The following RFTN1 variants were observed in gnomAD, a reference collection of about 807,000 sequenced individuals.
The protein encoded by RFTN1 is raftlin, lipid raft linker 1, also known as raftlin.
Under a neutral mutation model 46.5 loss-of-function variants are expected in RFTN1, and 26 were observed. The observed-to-expected ratio is 0.56, with a 90% CI of 0.41 to 0.78. RFTN1 has a LOEUF of 0.78. Among genes scored for constraint, RFTN1 ranks in the 30% least tolerant of loss-of-function variants. The probability of loss-of-function intolerance (pLI) is 0.00; values close to 1 mark genes in which losing one functional copy is unlikely to be tolerated. For missense variants in RFTN1, 693 were observed against 718.7 expected, an observed-to-expected ratio of 0.96 and a Z score of 0.41; for synonymous variants, 261 against 284.2, an observed-to-expected ratio of 0.92 and a Z score of 0.82.
rs1559328866 is a variant in RFTN1 at position 16,404,306 on chromosome 3, ATATATAT to A, written c.441+5062_441+5068del. On this transcript the variant is annotated intron_variant, in intron 4 of 9. Coordinates refer to ENST00000334133, the MANE Select transcript of RFTN1 (RefSeq NM_015150.2). The stretch of plus-strand genomic sequence containing the variant: ...TAATATATAATATATATAATATGTA[ATATATAT>A]TATATATAATATATAATATATAATA... 6.0e-5 allele frequency among the ~76,000 whole-genome samples: 2 copies of A among 33,278 alleles called. 1 individual carries two copies. Among genetic ancestry groups the A allele is most frequent in the Non-Finnish European group, 9.2e-5 (2 of 21,622 alleles). The allele number at this position is 33,278 out of a possible 152,430, so 21.8% of individuals were successfully genotyped here.
rs762772839 is a variant in RFTN1 at position 16,323,431 on chromosome 3, A to G, written c.1277T>C (p.Ile426Thr). Residue 426 changes from isoleucine to threonine, a missense_variant, in exon 9 of 10, where the codon ATT becomes ACT. Coordinates refer to ENST00000334133, the MANE Select transcript of RFTN1 (RefSeq NM_015150.2). Reference protein sequence around the residue: ...TSEGSVSTKQIVFLQRPCLPQ... With the variant: ...TSEGSVSTKQTVFLQRPCLPQ... The stretch of plus-strand genomic sequence containing the variant: ...TAGACAAGGTCTCTGAAGAAAGACA[A>G]TCTGCTTGGTGGATACACTCCCCTC... The G allele has an allele frequency of 4.2e-5, 68 of 1,612,594 alleles. No homozygotes were observed. Among genetic ancestry groups the G allele is most frequent in the South Asian group, 5.5e-5 (5 of 91,058 alleles).
At chr3:16,496,761 G>A (rs117346195) in intron 1 of RFTN1, among the ~76,000 whole-genome samples, 9 of 152,190 alleles carry the variant, frequency 5.9e-5, no homozygotes, top group East Asian at 5.8e-4. Flanking sequence ...TATGGGCATC[G>A]AAAGACACGT....
chr3:16,397,075 A>C (rs1435925340), intron 4 of RFTN1, among the ~76,000 whole-genome samples: 1 of 151,724 alleles, frequency 6.6e-6, no homozygotes, highest in Admixed American at 6.6e-5. Flanking sequence ...AAATGAAAAA[A>C]AAAAAAAAAA....
At chr3:16,419,282 C>T (rs573090924) in intron 3 of RFTN1, among the ~76,000 whole-genome samples, 1 of 152,122 alleles carries the variant, frequency 6.6e-6, no homozygotes, top group African/African-American at 2.4e-5. Flanking sequence ...TAGTGGGAAA[C>T]AAAGTTACTG....
intron 7 of RFTN1, chr3:16,339,923 A>G (rs911962264): frequency 6.6e-6 from 1 of 152,258 alleles, no homozygotes; most frequent in African/African-American, 2.4e-5. Context: ...AGTCTTATCA[A>G]AATTGCTGTA....
Position 16,450,632 on chromosome 3 carries a change from C to T in RFTN1, c.146-16595G>A, listed in dbSNP as rs2075808187. ...CTCCTGTCTCTAACTGCTCCTGAGG[C>T]AGGACAGGCACCCCAAACCAGGATT... is the stretch of plus-strand genomic sequence containing the variant. On this transcript the variant is annotated intron_variant, in intron 2 of 9. Transcript: ENST00000334133. The surrounding 1 kb of genome is among the most constrained non-coding windows in gnomAD (Gnocchi z 4.6). Among the ~76,000 whole-genome samples the T allele has an allele frequency of 6.6e-6, 1 of 152,218 alleles. No homozygotes were observed. The highest frequency in any genetic ancestry group is 1.5e-5 in the Non-Finnish European group (1 of 68,040).
intron 2 of RFTN1, 42 bp from the exon 3 acceptor site, chr3:16,434,079 A>G (rs2125496039): frequency 6.7e-7 from 1 of 1,495,966 alleles, no homozygotes; most frequent in Non-Finnish European, 8.9e-7. Context: ...ACCCATCACA[A>G]CGCCCACTCA....
intron 2 of RFTN1, among the ~76,000 whole-genome samples, chr3:16,444,745 G>T (rs1277676097): frequency 6.6e-6 from 1 of 152,228 alleles, no homozygotes; most frequent in Non-Finnish European, 1.5e-5. Context: ...ATTTGTTATT[G>T]GTTTTGAACT....
chr3:16,344,339 T>C lies in RFTN1; in HGVS notation c.1146+13593A>G, dbSNP rs2071501352. 1.3e-5 allele frequency among the ~76,000 whole-genome samples: 2 copies of C among 152,008 alleles called. No homozygotes were observed. The highest frequency in any genetic ancestry group is 2.4e-5 in the African/African-American group (1 of 41,366). ...ATCAGTAATTTTCAAGGTTTTTTTTTTTTAATTAGTAGGATGCTTCCTATA... is the reference window on the plus strand; with the variant it reads ...ATCAGTAATTTTCAAGGTTTTTTTTCTTTAATTAGTAGGATGCTTCCTATA... On this transcript the variant is annotated intron_variant, in intron 7 of 9. Coordinates refer to ENST00000334133, the MANE Select transcript of RFTN1 (RefSeq NM_015150.2). The surrounding 1 kb of genome is among the most constrained non-coding windows in gnomAD (Gnocchi z 4.4).
rs142197217 is a variant in RFTN1 at position 16,323,457 on chromosome 3, G to T, written c.1251C>A (p.Ser417Arg). Residue 417 changes from serine (S) to arginine (R), a missense_variant and splice_region_variant, in exon 9 of 10, where the codon AGC (serine) becomes AGA (arginine). By Grantham distance (110) the Ser-to-Arg change is moderately radical. Coordinates refer to ENST00000334133, the MANE Select transcript of RFTN1 (RefSeq NM_015150.2). ...VLPTPVVKTT[S>R]EGSVSTKQIV... The stretch of plus-strand genomic sequence containing the variant: ...TCTGCTTGGTGGATACACTCCCCTC[G>T]CTGTAACACACGGAGCTGAGAATGA... 1 of 1,609,358 alleles carries T rather than the reference G, an allele frequency of 6.2e-7. No homozygotes were observed. The highest frequency in any genetic ancestry group is 8.5e-7 in the Non-Finnish European group (1 of 1,176,110).
intron 1 of RFTN1, among the ~76,000 whole-genome samples, chr3:16,505,445 G>A (rs2125010751): frequency 6.6e-6 from 1 of 152,296 alleles, no homozygotes; most frequent in East Asian, 1.9e-4. Context: ...AGATGTGTGT[G>A]TGTGTGTACC....
At chr3:16,476,799 T>A (rs1171546427) in intron 2 of RFTN1, among the ~76,000 whole-genome samples, 1 of 152,242 alleles carries the variant, frequency 6.6e-6, no homozygotes, top group Non-Finnish European at 1.5e-5. Flanking sequence ...AGATATAGCT[T>A]AGTGGTTGAG....
rs1575242265 is a variant in RFTN1, at chr3:16,407,539, T to C, written c.441+1836A>G. Among the ~76,000 whole-genome samples, 1 of 152,130 alleles carries C rather than the reference T, an allele frequency of 6.6e-6. No homozygotes were observed. Among genetic ancestry groups the C allele is most frequent in the African/African-American group, 2.4e-5 (1 of 41,422 alleles). The stretch of plus-strand genomic sequence containing the variant: ...GCATATTTGAGAGTGGGCAGAGCCT[T>C]ATGCCTTTCTTTTACTCACTTACCC... On this transcript the variant is annotated intron_variant, in intron 4 of 9. Transcript: ENST00000334133. The surrounding 1 kb of genome is among the most constrained non-coding windows in gnomAD (Gnocchi z 4.0).
chr3:16,410,193 C>A lies in RFTN1; in HGVS notation c.333-710G>T, dbSNP rs2074954458. Among the ~76,000 whole-genome samples the A allele has an allele frequency of 6.8e-6, 1 of 147,846 alleles. No homozygotes were observed. The highest frequency in any genetic ancestry group is 1.5e-5 in the Non-Finnish European group (1 of 67,256). ...TCATTATAGAATGATGGGTTTGGTA[C>A]AATACAGCTTACATGTTATACACAC... On this transcript the variant is annotated intron_variant, in intron 3 of 9. Coordinates refer to ENST00000334133, the MANE Select transcript of RFTN1 (RefSeq NM_015150.2). This position sits in a 1 kb window ranked among gnomAD's most constrained non-coding sequence, Gnocchi z 4.6.
intron 2 of RFTN1, among the ~76,000 whole-genome samples, chr3:16,492,012 A>G (rs995509031): frequency 6.6e-6 from 1 of 152,212 alleles, no homozygotes; most frequent in Non-Finnish European, 1.5e-5. Context: ...ATGTTACATT[A>G]GCTATATTAG....
In RFTN1 at chr3:16,504,271, A is replaced by T. The variant is rs186053658; in HGVS notation, c.-9+9171T>A. ...AGAAATATTTTTTCTTTCATTCTTAACTAACCACAATTACTTGCTAATGGG... is the reference window on the plus strand; with the variant it reads ...AGAAATATTTTTTCTTTCATTCTTATCTAACCACAATTACTTGCTAATGGG... On this transcript the variant is annotated intron_variant, in intron 1 of 9. Coordinates refer to ENST00000334133, the MANE Select transcript of RFTN1 (RefSeq NM_015150.2). This position sits in a 1 kb window ranked among gnomAD's most constrained non-coding sequence, Gnocchi z 4.4. 8.9e-4 allele frequency among the ~76,000 whole-genome samples: 135 copies of T among 152,338 alleles called. No homozygotes were observed. Among genetic ancestry groups the T allele is most frequent in the African/African-American group, 3.2e-3 (132 of 41,576 alleles).
chr3:16,474,623 C>T lies in RFTN1; in HGVS notation c.145+19102G>A, dbSNP rs1029667088. ...GAGGTGAAGAAAAAAAAAATAGGCT[C>T]CCCTCCAATGCAATTTTTAAACCAC... On this transcript the variant is annotated intron_variant, in intron 2 of 9. Transcript: ENST00000334133. The surrounding 1 kb of genome is among the most constrained non-coding windows in gnomAD (Gnocchi z 5.5). Among the ~76,000 whole-genome samples the T allele has an allele frequency of 2.0e-5, 3 of 152,204 alleles. No homozygotes were observed. Among genetic ancestry groups the T allele is most frequent in the African/African-American group, 7.2e-5 (3 of 41,454 alleles).
chr3:16,338,246 A>G lies in RFTN1; in HGVS notation c.1147-11370T>C, dbSNP rs975131487. On this transcript the variant is annotated intron_variant, in intron 7 of 9. Coordinates refer to ENST00000334133, the MANE Select transcript of RFTN1 (RefSeq NM_015150.2). The surrounding 1 kb of genome is among the most constrained non-coding windows in gnomAD (Gnocchi z 5.3). ...CTTATTATCAGGGGTGTCTGCCCAC[A>G]CACACCTGCATGAGCAGAATGAGAA... is the stretch of plus-strand genomic sequence containing the variant. Among the ~76,000 whole-genome samples the G allele has an allele frequency of 6.6e-6, 1 of 152,232 alleles. No individual in the cohort carries two copies. The highest frequency in any genetic ancestry group is 1.9e-4 in the East Asian group (1 of 5,204).
At chr3:16,408,226 T>A (rs2074905514) in intron 4 of RFTN1, among the ~76,000 whole-genome samples, 1 of 151,944 alleles carries the variant, frequency 6.6e-6, no homozygotes, top group African/African-American at 2.4e-5. Context: ...CACAGCCGCA[T>A]CCCCAAAGAC....
Sources: gnomAD v4.1 joint callset for allele counts (sites outside exome capture counted in the v4.1 genomes callset) on GRCh38, gnomAD v4.1.1 for gene constraint, Gnocchi (gnomAD v3.1) non-coding constraint, MANE v1.5 for transcripts, NCBI Gene and HGNC (gene_info 2026-07-23, HGNC 2026-07-21) for gene names.